The following AXDND1 variants were observed in gnomAD, a reference collection of about 807,000 sequenced individuals.
AXDND1 encodes the protein axonemal dynein light chain domain containing 1.
AXDND1 carries 110 observed loss-of-function variants against 137.5 expected under a neutral mutation model. That is an observed-to-expected ratio of 0.80 (90% CI 0.69 to 0.94). The LOEUF (loss-of-function observed/expected upper bound fraction) is 0.94, where lower values mean the gene tolerates loss of function less well. Ranked by LOEUF, AXDND1 falls within the 40% of genes least tolerant of loss-of-function variation. The pLI is 0.00. For missense variants in AXDND1, 1,191 were observed against 1,169.8 expected (o/e 1.02, Z -0.26); for synonymous variants, 414 against 399.7 (o/e 1.04, Z -0.43).
At chr1:179,369,907 C>T (rs1040586214) in intron 3 of AXDND1, 68 bp from the exon 4 acceptor site, 13 of 1,247,206 alleles carry the variant, frequency 1.0e-5, no homozygotes, top group Admixed American at 3.8e-5. Context: ...TTACTCAAAA[C>T]TATTAATACA....
intron 25 of AXDND1, among the ~76,000 whole-genome samples, chr1:179,546,685 A>C (rs866849192): frequency 6.6e-6 from 1 of 151,936 alleles, no homozygotes; most frequent in Admixed American, 6.6e-5. Flanking sequence ...CCAGCCCCCA[A>C]TCTCAGTGGC....
At chr1:179,481,939 C>A (rs1227866943) in intron 17 of AXDND1, among the ~76,000 whole-genome samples, 1 of 152,106 alleles carries the variant, frequency 6.6e-6, no homozygotes, top group Non-Finnish European at 1.5e-5. Context: ...TTGTTTCCTG[C>A]AAACTAGTTA....
chr1:179,552,845 A>G (rs1673517578), intron 25 of AXDND1: 2 of 679,878 alleles, frequency 2.9e-6, no homozygotes, highest in South Asian at 1.6e-5. Context: ...AAGTAGGCAG[A>G]TCTCCAAGGT....
intron 20 of AXDND1, among the ~76,000 whole-genome samples, chr1:179,508,335 CA>C (rs11298194): frequency 0.75 from 104,115 of 139,690 alleles, 38,649 homozygotes; most frequent in East Asian, 0.92. Context: ...GACCCTGTCT[CA>C]AAAAAAAAAA....
chr1:179,461,860 G>T (rs1036481429), intron 16 of AXDND1, among the ~76,000 whole-genome samples: 1 of 152,074 alleles, frequency 6.6e-6, no homozygotes, highest in African/African-American at 2.4e-5. Context: ...TGTTATTGGT[G>T]TATAGTAATG....
Position 179,379,451 on chromosome 1 carries a change from A to G in AXDND1, c.550A>G (p.Thr184Ala). Residue 184 changes from threonine (T) to alanine (A), a missense_variant, in exon 6 of 26, where the codon ACA becomes GCA. Coordinates refer to ENST00000367618, the MANE Select transcript of AXDND1 (RefSeq NM_144696.6). Reference sequence around the variant, plus strand: ...TGAAGAATTTCATATTGTGTCAAGTACAGGAGTTTCAGGTTTGGAGTGTTA... The same window carrying G: ...TGAAGAATTTCATATTGTGTCAAGTGCAGGAGTTTCAGGTTTGGAGTGTTA... ...IPEEFHIVSS[T>A]GVSGLECYDD... 1.2e-6 allele frequency: 2 copies of G among 1,613,762 alleles called. No individual in the cohort carries two copies. The highest frequency in any genetic ancestry group is 1.7e-4 in the Middle Eastern group (1 of 6,022).
In AXDND1 at chr1:179,367,609, C is replaced by T. The variant is rs993427653; in HGVS notation, c.97+1003C>T. Among the ~76,000 whole-genome samples the T allele has an allele frequency of 8.2e-5, 12 of 146,588 alleles. No individual in the cohort carries two copies. The South Asian group carries it at 8.8e-4, about 11-fold the overall frequency. ...AAATTTAGCCTGGTGTGGTGGCACT[C>T]GCCTGTAATCCCAGCTACTCGGCAG... On this transcript the variant is annotated intron_variant, in intron 2 of 25. Coordinates refer to ENST00000367618, the MANE Select transcript of AXDND1 (RefSeq NM_144696.6).
intron 25 of AXDND1, among the ~76,000 whole-genome samples, chr1:179,540,390 C>CT (rs1013755615): frequency 1.3e-5 from 2 of 151,792 alleles, no homozygotes; most frequent in Non-Finnish European, 2.9e-5. Context: ...TGTGGATGTC[C>CT]TTTTTTTTGA....
At chr1:179,477,050 G>T (rs1664727092) in intron 17 of AXDND1, among the ~76,000 whole-genome samples, 2 of 150,546 alleles carry the variant, frequency 1.3e-5, no homozygotes, top group African/African-American at 2.4e-5. Flanking sequence ...TTATTTTTTG[G>T]CTTGAATTAC....
chr1:179,391,886 T>G (rs1650262213), intron 9 of AXDND1, among the ~76,000 whole-genome samples: 1 of 152,114 alleles, frequency 6.6e-6, no homozygotes, highest in African/African-American at 2.4e-5. Context: ...TGGGCTTTCA[T>G]TCTTCTCCTT....
chr1:179,530,995 C>T (rs1433866355), intron 23 of AXDND1, among the ~76,000 whole-genome samples: 1 of 152,156 alleles, frequency 6.6e-6, no homozygotes, highest in Non-Finnish European at 1.5e-5. Flanking sequence ...CTACTCAAAT[C>T]GATCTTCTTG....
intron 17 of AXDND1, among the ~76,000 whole-genome samples, chr1:179,474,697 G>A (rs1365426768): frequency 6.6e-6 from 1 of 152,174 alleles, no homozygotes; most frequent in African/African-American, 2.4e-5. Context: ...GAGCATAAAA[G>A]TTTGGAAAAT....
At chr1:179,372,472 T>C (rs1410552518) in intron 4 of AXDND1, among the ~76,000 whole-genome samples, 1 of 152,226 alleles carries the variant, frequency 6.6e-6, no homozygotes, top group Non-Finnish European at 1.5e-5. Flanking sequence ...GCTTGAATTA[T>C]GAACTCAGTT....
intron 4 of AXDND1, 63 bp from the exon 5 acceptor site, chr1:179,378,574 C>T: frequency 3.2e-6 from 4 of 1,248,494 alleles, no homozygotes; most frequent in East Asian, 3.0e-5. Context: ...TGGATCTCAC[C>T]TGCTGTTATG....
chr1:179,382,651 G>A (rs1558097537), intron 6 of AXDND1, 49 bp from the exon 7 acceptor site: 1 of 1,391,726 alleles, frequency 7.2e-7, no homozygotes. Context: ...TTGATAAACA[G>A]GCCAGAAAAT....
intron 17 of AXDND1, among the ~76,000 whole-genome samples, chr1:179,477,463 A>G (rs1341666750): frequency 6.6e-6 from 1 of 152,136 alleles, no homozygotes; most frequent in Non-Finnish European, 1.5e-5. Context: ...ATGGCAGCAG[A>G]CAAGAGAAGA....
chr1:179,501,192 G>C (rs1667963522), intron 20 of AXDND1, among the ~76,000 whole-genome samples: 1 of 151,644 alleles, frequency 6.6e-6, no homozygotes, highest in South Asian at 2.1e-4. Flanking sequence ...AAGCTGTTTT[G>C]GATATTCAAA....
intron 9 of AXDND1, among the ~76,000 whole-genome samples, chr1:179,388,621 G>T (rs1254866289): frequency 1.3e-5 from 2 of 151,090 alleles, no homozygotes; most frequent in Non-Finnish European, 2.9e-5. Flanking sequence ...ACAGGATCTC[G>T]CTGTGGCCCA....
intron 6 of AXDND1, among the ~76,000 whole-genome samples, chr1:179,381,288 C>T (rs10913742): frequency 0.11 from 17,061 of 150,560 alleles, 1,150 homozygotes; most frequent in East Asian, 0.35. Flanking sequence ...GTGATCTGCC[C>T]GCTTTGGCCT....
Sources: gnomAD v4.1 joint callset for allele counts (sites outside exome capture counted in the v4.1 genomes callset) on GRCh38, gnomAD v4.1.1 for gene constraint, MANE v1.5 for transcripts, NCBI Gene and HGNC (gene_info 2026-07-23, HGNC 2026-07-21) for gene names.